The following TOX variants were observed in gnomAD, a reference collection of about 807,000 sequenced individuals.
TOX encodes thymocyte selection-associated high mobility group box protein TOX.
A neutral mutation model predicts 53.7 loss-of-function variants in TOX; 11 were observed. The observed-to-expected ratio is 0.20, with a 90% CI of 0.13 to 0.34. The LOEUF is 0.34. Among genes scored for constraint, TOX ranks in the 10% least tolerant of loss-of-function variants. The pLI is 1.00. For synonymous variants in TOX, 225 were observed against 245.3 expected, an observed-to-expected ratio of 0.92 and a Z score of 0.77; for missense variants, 570 against 664.6, an observed-to-expected ratio of 0.86 and a Z score of 1.56.
chr8:59,051,351 C>T (rs1037867835), intron 1 of TOX, among the ~76,000 whole-genome samples: 1 of 152,070 alleles, frequency 6.6e-6, no homozygotes, highest in Non-Finnish European at 1.5e-5. Context: ...CTAAAACCTT[C>T]GAGATTATGT....
intron 1 of TOX, among the ~76,000 whole-genome samples, chr8:59,067,769 C>T (rs559283697): frequency 2.0e-5 from 3 of 151,828 alleles, no homozygotes; most frequent in South Asian, 2.1e-4. Flanking sequence ...AACTGGGTCA[C>T]GAGGTTAAAA....
intron 1 of TOX, among the ~76,000 whole-genome samples, chr8:59,001,107 A>C (rs1057235475): frequency 1.3e-5 from 2 of 152,190 alleles, no homozygotes; most frequent in Non-Finnish European, 2.9e-5. Context: ...AAGCAGAAGT[A>C]AGTCTGCGAA....
intron 4 of TOX, among the ~76,000 whole-genome samples, chr8:58,840,668 T>G (rs2129167186): frequency 6.6e-6 from 1 of 152,322 alleles, no homozygotes; most frequent in Non-Finnish European, 1.5e-5. Flanking sequence ...GCAAAATTTT[T>G]CTGTGCCCCA....
At chr8:58,961,308 A>C (rs1812792098) in intron 1 of TOX, among the ~76,000 whole-genome samples, 1 of 152,186 alleles carries the variant, frequency 6.6e-6, no homozygotes, top group South Asian at 2.1e-4. Flanking sequence ...CAGAGAATCA[A>C]AGGATTTCTT....
At chr8:58,921,481 A>G (rs1286791233) in intron 3 of TOX, among the ~76,000 whole-genome samples, 2 of 152,212 alleles carry the variant, frequency 1.3e-5, no homozygotes, top group African/African-American at 4.8e-5. Flanking sequence ...ATTAGAATAC[A>G]TTTGGTGTTA....
chr8:58,959,790 C>T (rs1812771261), intron 2 of TOX, among the ~76,000 whole-genome samples, 153 bp downstream of exon 2: 1 of 152,222 alleles, frequency 6.6e-6, no homozygotes, highest in African/African-American at 2.4e-5. Context: ...AGCTCTATCT[C>T]ATTAACTGGA....
chr8:59,008,807 T>C (rs1226525811), intron 1 of TOX, among the ~76,000 whole-genome samples: 1 of 152,174 alleles, frequency 6.6e-6, no homozygotes, highest in African/African-American at 2.4e-5. Flanking sequence ...AAAGATAACC[T>C]CAGAGATGGC....
chr8:58,859,852 GTGTT>G (rs377380816), intron 3 of TOX, among the ~76,000 whole-genome samples: 7 of 151,984 alleles, frequency 4.6e-5, no homozygotes, highest in Admixed American at 2.0e-4. Context: ...ACCAGTTTTG[GTGTT>G]TGTTTGTTTG....
chr8:59,016,285 A>C (rs1264048969), intron 1 of TOX, among the ~76,000 whole-genome samples: 3 of 152,172 alleles, frequency 2.0e-5, no homozygotes, highest in African/African-American at 4.8e-5. Context: ...AGGACAAAAT[A>C]AACCATTTAT....
At position 58,923,087 on chromosome 8, in the gene TOX, C is replaced by T. The variant is rs188618553; in HGVS notation, c.411+16215G>A. 2.9e-3 allele frequency among the ~76,000 whole-genome samples: 434 copies of T among 150,352 alleles called. 2 individuals carry two copies. The highest frequency in any genetic ancestry group is 9.7e-3 in the African/African-American group (398 of 41,012). On this transcript the variant is annotated intron_variant, in intron 3 of 8. Transcript: ENST00000361421. ...AGAGCCTGAATATCATATGAAGAAA[C>T]GGATTTTTTTTTCTCCTTTTATCCT...
At chr8:59,052,330 T>G (rs1490416323) in intron 1 of TOX, among the ~76,000 whole-genome samples, 6 of 152,232 alleles carry the variant, frequency 3.9e-5, no homozygotes, top group African/African-American at 1.4e-4. Context: ...TTAGTGCATT[T>G]GCAAAGCATG....
chr8:58,814,829 T>C (rs1391826396), intron 7 of TOX, among the ~76,000 whole-genome samples: 1 of 152,214 alleles, frequency 6.6e-6, no homozygotes, highest in East Asian at 1.9e-4. Flanking sequence ...GGTTAAAATG[T>C]TCAGTTCTTA....
chr8:59,059,458 G>C (rs1422009357), intron 1 of TOX, among the ~76,000 whole-genome samples: 1 of 151,924 alleles, frequency 6.6e-6, no homozygotes, highest in Non-Finnish European at 1.5e-5. Flanking sequence ...AGTTACTAAA[G>C]ATACAGAATG....
intron 1 of TOX, among the ~76,000 whole-genome samples, chr8:58,979,413 A>G (rs1300306063): frequency 6.6e-6 from 1 of 152,342 alleles, no homozygotes; most frequent in East Asian, 1.9e-4. Flanking sequence ...ATGAATGTGG[A>G]TGGCTGTCCG....
At chr8:58,914,744 T>G (rs1811973317) in intron 3 of TOX, among the ~76,000 whole-genome samples, 1 of 145,966 alleles carries the variant, frequency 6.9e-6, no homozygotes, top group Non-Finnish European at 1.5e-5. Context: ...GCTCCCAGCG[T>G]GAGCGACGCA....
At chr8:58,841,409 A>G (rs910538009) in intron 4 of TOX, among the ~76,000 whole-genome samples, 2 of 152,250 alleles carry the variant, frequency 1.3e-5, no homozygotes, top group Non-Finnish European at 2.9e-5. Flanking sequence ...TAATAAAAAT[A>G]TTAATGCAAA....
chr8:59,056,874 G>A (rs914363499), intron 1 of TOX, among the ~76,000 whole-genome samples: 2 of 152,294 alleles, frequency 1.3e-5, no homozygotes, highest in Admixed American at 6.5e-5. Flanking sequence ...CTAGCTGCTT[G>A]GAAAGATAAG....
At chr8:58,905,359 T>C (rs936106396) in intron 3 of TOX, among the ~76,000 whole-genome samples, 2 of 152,248 alleles carry the variant, frequency 1.3e-5, no homozygotes, top group Non-Finnish European at 2.9e-5. Flanking sequence ...ATTTTCTCCT[T>C]GAAAGATCCT....
chr8:59,047,284 T>C (rs1272357805), intron 1 of TOX, among the ~76,000 whole-genome samples: 2 of 135,562 alleles, frequency 1.5e-5, no homozygotes, highest in Non-Finnish European at 3.1e-5. Flanking sequence ...TGGCACGATC[T>C]CGGCTCACTG....
Sources: gnomAD v4.1 joint callset for allele counts (sites outside exome capture counted in the v4.1 genomes callset) on GRCh38, gnomAD v4.1.1 for gene constraint, MANE v1.5 for transcripts, NCBI Gene and HGNC (gene_info 2026-07-23, HGNC 2026-07-21) for gene names.